Variants in CPA6 observed in about 807,000 individuals in gnomAD.
CPA6 encodes the protein carboxypeptidase A6, also known as carboxypeptidase B.
CPA6 carries 58 observed loss-of-function variants against 63.3 expected under a neutral mutation model. The observed-to-expected ratio is 0.92, with a 90% confidence interval of 0.74 to 1.14. The LOEUF is 1.14. CPA6 is among the 50% of genes most tolerant of loss of function. CPA6 has a pLI of 0.00. For missense variants in CPA6, 565 were observed against 526.6 expected, an observed-to-expected ratio of 1.07 and a Z score of -0.71; for synonymous variants, 185 against 179.0, an observed-to-expected ratio of 1.03 and a Z score of -0.27.
At chr8:67,664,485 G>A (rs2128993365) in intron 1 of CPA6, among the ~76,000 whole-genome samples, 1 of 152,292 alleles carries the variant, frequency 6.6e-6, no homozygotes, top group South Asian at 2.1e-4. Flanking sequence ...TACAGAGAGA[G>A]GGCTGGCCTC....
intron 8 of CPA6, among the ~76,000 whole-genome samples, chr8:67,435,124 AT>A (rs1264501761): frequency 6.6e-6 from 1 of 152,202 alleles, no homozygotes; most frequent in African/African-American, 2.4e-5. Flanking sequence ...TAGGAGGTCC[AT>A]CCCCAGCAAA....
chr8:67,507,849 G>T (rs1397389508), intron 5 of CPA6, among the ~76,000 whole-genome samples: 2 of 152,242 alleles, frequency 1.3e-5, no homozygotes, highest in East Asian at 1.9e-4. Context: ...TTGGAGGAAG[G>T]CCTCTCAATC....
chr8:67,441,912 A>C (rs914524634), intron 8 of CPA6, among the ~76,000 whole-genome samples: 4 of 152,180 alleles, frequency 2.6e-5, no homozygotes, highest in Admixed American at 2.6e-4. Flanking sequence ...TATATAAAAG[A>C]GGTGCTCTTT....
At chr8:67,666,077 G>A (rs759547276) in intron 1 of CPA6, among the ~76,000 whole-genome samples, 64 of 152,296 alleles carry the variant, frequency 4.2e-4, no homozygotes, top group Non-Finnish European at 8.5e-4. Context: ...TTATGAACAT[G>A]ATCCACTGTT....
intron 2 of CPA6, among the ~76,000 whole-genome samples, chr8:67,596,459 C>T (rs1814338028): frequency 6.6e-6 from 1 of 151,864 alleles, no homozygotes; most frequent in African/African-American, 2.4e-5. Context: ...TTCCTATTGT[C>T]CCCTTCCTGC....
At chr8:67,703,734 C>G (rs1817073834) in intron 1 of CPA6, among the ~76,000 whole-genome samples, 1 of 152,230 alleles carries the variant, frequency 6.6e-6, no homozygotes, top group Non-Finnish European at 1.5e-5. Flanking sequence ...AAGTCTTTCC[C>G]TGTCTCTTGG....
At chr8:67,667,994 G>A (rs942394604) in intron 1 of CPA6, among the ~76,000 whole-genome samples, 6 of 152,198 alleles carry the variant, frequency 3.9e-5, no homozygotes, top group African/African-American at 4.8e-5. Flanking sequence ...CAGGAGGCTC[G>A]TCAATATTTG....
At chr8:67,681,572 A>T (rs1816599551) in intron 1 of CPA6, among the ~76,000 whole-genome samples, 1 of 149,614 alleles carries the variant, frequency 6.7e-6, no homozygotes, top group South Asian at 2.1e-4. Flanking sequence ...AATCCATTTT[A>T]TTTTTTTTTC....
chr8:67,735,267 C>T (rs570197013), intron 1 of CPA6: 89 of 152,198 alleles, frequency 5.8e-4, no homozygotes, highest in African/African-American at 2.1e-3. Context: ...CACTGCCTGG[C>T]ACAGCTACTT....
chr8:67,654,873 A>G (rs1815945865), intron 1 of CPA6, among the ~76,000 whole-genome samples: 1 of 152,102 alleles, frequency 6.6e-6, no homozygotes, highest in Non-Finnish European at 1.5e-5. Context: ...AGATTTGTCT[A>G]ATTTTCTGTT....
chr8:67,482,249 A>T (rs187547946), intron 8 of CPA6, among the ~76,000 whole-genome samples: 2 of 152,356 alleles, frequency 1.3e-5, no homozygotes, highest in African/African-American at 4.8e-5. Flanking sequence ...ACTCATGCAG[A>T]TGCCTGTAGG....
chr8:67,683,946 G>T (rs1816651180), intron 1 of CPA6, among the ~76,000 whole-genome samples: 1 of 147,746 alleles, frequency 6.8e-6, no homozygotes, highest in African/African-American at 2.5e-5. Context: ...CACCTCAGCT[G>T]CTTGAGAAGC....
intron 1 of CPA6, among the ~76,000 whole-genome samples, chr8:67,741,608 A>G (rs557344579): frequency 1.3e-5 from 2 of 152,320 alleles, no homozygotes; most frequent in African/African-American, 4.8e-5. Flanking sequence ...CAGTAGCATT[A>G]GATTCTCAAT....
At chr8:67,523,989 A>G (rs910238417) in intron 2 of CPA6, among the ~76,000 whole-genome samples, 1 of 152,256 alleles carries the variant, frequency 6.6e-6, no homozygotes, top group African/African-American at 2.4e-5. Context: ...TAGGATTCTG[A>G]GTAAGAAAAC....
chr8:67,631,902 G>A (rs567096028), intron 1 of CPA6, among the ~76,000 whole-genome samples: 39 of 151,954 alleles, frequency 2.6e-4, no homozygotes, highest in Non-Finnish European at 3.8e-4. Context: ...TGAAGCCAGC[G>A]AGACCACGAA....
intron 1 of CPA6, among the ~76,000 whole-genome samples, chr8:67,706,427 A>G (rs1563401236): frequency 6.6e-6 from 1 of 152,206 alleles, no homozygotes; most frequent in Non-Finnish European, 1.5e-5. Context: ...CCACTGAAAG[A>G]ACAGTTTCAC....
At chr8:67,727,523 A>G (rs1817620803) in intron 1 of CPA6, among the ~76,000 whole-genome samples, 1 of 152,136 alleles carries the variant, frequency 6.6e-6, no homozygotes, top group South Asian at 2.1e-4. Flanking sequence ...AAGAAGTGCA[A>G]TTGTCTTGAA....
intron 2 of CPA6, among the ~76,000 whole-genome samples, chr8:67,556,149 A>G (rs920931048): frequency 6.6e-6 from 1 of 152,210 alleles, no homozygotes; most frequent in Non-Finnish European, 1.5e-5. Flanking sequence ...GTTTCATAAC[A>G]TGACCTGGAT....
At chr8:67,658,964 C>T (rs906441516) in intron 1 of CPA6, among the ~76,000 whole-genome samples, 6 of 152,136 alleles carry the variant, frequency 3.9e-5, no homozygotes, top group African/African-American at 1.4e-4. Flanking sequence ...TTGCCCCTTT[C>T]AATCTACTCT....
Sources: gnomAD v4.1 joint callset for allele counts (sites outside exome capture counted in the v4.1 genomes callset) on GRCh38, gnomAD v4.1.1 for gene constraint, MANE v1.5 for transcripts, NCBI Gene and HGNC (gene_info 2026-07-23, HGNC 2026-07-21) for gene names.